Variants in LRRD1 observed in about 807,000 individuals in gnomAD.
LRRD1 encodes the protein leucine rich repeats and death domain containing 1.
LRRD1 carries 49 observed loss-of-function variants against 69.5 expected under a neutral mutation model. That is an observed-to-expected ratio of 0.70 (90% CI 0.56 to 0.89). The LOEUF (loss-of-function observed/expected upper bound fraction) is 0.89. Ranked by LOEUF, LRRD1 falls within the 40% of genes least tolerant of loss-of-function variation. LRRD1 has a pLI of 0.00. For missense variants in LRRD1, 853 were observed against 956.0 expected (o/e 0.89, Z 1.42); for synonymous variants, 303 against 338.9 (o/e 0.89, Z 1.16).
intron 1 of LRRD1, among the ~76,000 whole-genome samples, chr7:92,165,681 C>A (rs930409331): frequency 4.0e-5 from 6 of 151,746 alleles, no homozygotes; most frequent in African/African-American, 1.5e-4. Context: ...CCTAACATGG[C>A]AAAACCCTGT....
Position 92,146,090 on chromosome 7 carries a change from T to C in LRRD1, c.2389A>G (p.Thr797Ala), listed in dbSNP as rs779501122. ...GCTGTCATTTATACATACCTCTTTGTAGGCATATCAGTTTCTGAGTTTGCC... is the reference window on the plus strand; with the variant it reads ...GCTGTCATTTATACATACCTCTTTGCAGGCATATCAGTTTCTGAGTTTGCC... Reference protein sequence around the residue: ...NLANSETDMPTKSTVSLSERA... With the variant: ...NLANSETDMPAKSTVSLSERA... Residue 797 changes from threonine (T) to alanine (A), a missense_variant, in exon 5 of 6, where the codon ACA becomes GCA. Thr to Ala is a moderately conservative substitution (Grantham distance 58). Transcript: ENST00000458448. 2.0e-6 allele frequency: 3 copies of C among 1,502,986 alleles called. No individual in the cohort carries two copies. Among genetic ancestry groups the C allele is most frequent in the South Asian group, 2.6e-5 (2 of 77,810 alleles). 93.1% of individuals were successfully genotyped at this position (1,502,986 alleles called of 1,614,324 possible).
intron 4 of LRRD1, chr7:92,149,847 G>A (rs1292284005): frequency 1.3e-5 from 6 of 446,756 alleles, no homozygotes; most frequent in East Asian, 1.4e-4. Flanking sequence ...GCCACCACAC[G>A]CAACTCCAAA....
intron 2 of LRRD1, 79 bp from the exon 3 acceptor site, chr7:92,159,282 G>A (rs1013524): frequency 0.074 from 74,016 of 996,972 alleles, 3,092 homozygotes; most frequent in African/African-American, 0.11. Flanking sequence ...AAAATCAAAT[G>A]AAAGAGTTTT....
intron 1 of LRRD1, among the ~76,000 whole-genome samples, chr7:92,167,288 G>T (rs184744095): frequency 2.3e-4 from 35 of 151,782 alleles, no homozygotes; most frequent in African/African-American, 8.5e-4. Flanking sequence ...TAGAGACGAG[G>T]TTTCACCATG....
chr7:92,174,513 T>G (rs868181941), intron 1 of LRRD1, among the ~76,000 whole-genome samples: 2 of 36,462 alleles, frequency 5.5e-5, no homozygotes, highest in Non-Finnish European at 1.1e-4. Flanking sequence ...ATATATATTT[T>G]TTTTTTTTTT....
At chr7:92,165,865 A>G (rs931660469) in intron 1 of LRRD1, among the ~76,000 whole-genome samples, 7 of 149,070 alleles carry the variant, frequency 4.7e-5, no homozygotes, top group Non-Finnish European at 1.1e-4. Flanking sequence ...CCATCTCAAA[A>G]AAAAAAAAAA....
At chr7:92,178,010 TTGTTTCCATATGAGCATTTTAAAGGC>T (rs1322303104) in intron 1 of LRRD1, among the ~76,000 whole-genome samples, 3 of 152,198 alleles carry the variant, frequency 2.0e-5, no homozygotes, top group Admixed American at 6.5e-5. Flanking sequence ...CACCAATTAT[TTGTTTCCATATGAGCATTTTAAAGGC>T]TGATACACAA....
chr7:92,177,632 TGTCTTCCATA>T (rs1337096304), intron 1 of LRRD1, among the ~76,000 whole-genome samples: 1 of 152,242 alleles, frequency 6.6e-6, no homozygotes, highest in Admixed American at 6.5e-5. Context: ...TCTAGTCAGC[TGTCTTCCATA>T]GAATAAGGGG....
chr7:92,159,235 T>C, intron 2 of LRRD1, 32 bp from the exon 3 acceptor site: 1 of 1,274,150 alleles, frequency 7.8e-7, no homozygotes, highest in Non-Finnish European at 1.0e-6. Context: ...TATACATTTA[T>C]AAATACATAC....
intron 3 of LRRD1, among the ~76,000 whole-genome samples, chr7:92,155,926 C>T (rs190807810): frequency 4.9e-4 from 75 of 152,312 alleles, no homozygotes; most frequent in African/African-American, 1.8e-3. Context: ...AGTCCTTCCA[C>T]GTACTTCTGC....
At chr7:92,151,167 T>C (rs1024888176) in intron 3 of LRRD1, among the ~76,000 whole-genome samples, 1 of 152,240 alleles carries the variant, frequency 6.6e-6, no homozygotes, top group African/African-American at 2.4e-5. Context: ...TTGGATTCAT[T>C]AGTTTTTCCA....
chr7:92,176,254 T>C (rs1479786695), intron 1 of LRRD1, among the ~76,000 whole-genome samples: 1 of 152,186 alleles, frequency 6.6e-6, no homozygotes, highest in East Asian at 1.9e-4. Flanking sequence ...TGGAGAATAA[T>C]ATCTTTTTTT....
At chr7:92,163,251 C>G (rs1477505767) in intron 2 of LRRD1, 35 bp downstream of exon 2, 1 of 1,308,576 alleles carries the variant, frequency 7.6e-7, no homozygotes, top group African/African-American at 1.5e-5. Context: ...TCCAGTCTCT[C>G]CTTCCCCACA....
At chr7:92,148,210 G>A (rs1820377050) in intron 4 of LRRD1, among the ~76,000 whole-genome samples, 1 of 151,690 alleles carries the variant, frequency 6.6e-6, no homozygotes, top group African/African-American at 2.4e-5. Flanking sequence ...AAAATTTTTT[G>A]TAGAGACAGG....
intron 2 of LRRD1, among the ~76,000 whole-genome samples, chr7:92,159,734 G>A (rs1337721581): frequency 2.0e-5 from 3 of 149,918 alleles, no homozygotes; most frequent in East Asian, 4.0e-4. Context: ...CAATTCTCCT[G>A]CCTCAGCCTT....
At chr7:92,154,082 C>A (rs1156464079) in intron 3 of LRRD1, among the ~76,000 whole-genome samples, 1 of 152,070 alleles carries the variant, frequency 6.6e-6, no homozygotes, top group Non-Finnish European at 1.5e-5. Flanking sequence ...AGGAGATCCA[C>A]CTGCCTCGGT....
intron 1 of LRRD1, among the ~76,000 whole-genome samples, chr7:92,174,511 T>TTTTA (rs1789147193): frequency 3.7e-5 from 1 of 26,700 alleles, no homozygotes; most frequent in Non-Finnish European, 6.8e-5. Flanking sequence ...ATATATATAT[T>TTTTA]TTTTTTTTTT....
At chr7:92,153,172 C>T (rs1297057357) in intron 3 of LRRD1, among the ~76,000 whole-genome samples, 2 of 152,056 alleles carry the variant, frequency 1.3e-5, no homozygotes, top group Non-Finnish European at 2.9e-5. Flanking sequence ...TCATGCAATT[C>T]TTGTGCCTCA....
At chr7:92,174,484 TATATATATATATATATA>T (rs2131025585) in intron 1 of LRRD1, among the ~76,000 whole-genome samples, 1 of 15,364 alleles carries the variant, frequency 6.5e-5, no homozygotes, top group African/African-American at 2.7e-4. Context: ...TATATATATA[TATATATATATATATATA>T]TATATATATT....
Sources: allele counts gnomAD v4.1 joint callset (sites outside exome capture counted in the v4.1 genomes callset), GRCh38; gene constraint gnomAD v4.1.1; transcripts MANE v1.5; gene names NCBI Gene and HGNC (gene_info 2026-07-23, HGNC 2026-07-21).